Variants in AMBRA1 observed in about 807,000 individuals in gnomAD.
The protein encoded by AMBRA1 is autophagy and beclin 1 regulator 1.
In AMBRA1, 47 loss-of-function variants were observed where a neutral mutation model predicts 125.4. The ratio of observed to expected loss-of-function variants is 0.37; its 90% CI spans 0.30 to 0.48. The LOEUF is 0.48. Ranked by LOEUF, AMBRA1 falls within the 20% of genes least tolerant of loss-of-function variation. AMBRA1 has a pLI of 0.99. For missense variants in AMBRA1, 1,331 were observed against 1,693.4 expected, an observed-to-expected ratio of 0.79 and a Z score of 3.76; for synonymous variants, 626 against 655.5, an observed-to-expected ratio of 0.95 and a Z score of 0.69.
chr11:46,462,297 T>A (rs931487122), intron 11 of AMBRA1, among the ~76,000 whole-genome samples: 2 of 152,260 alleles, frequency 1.3e-5, no homozygotes, highest in Admixed American at 6.5e-5. Context: ...CCTGCAAGCT[T>A]CTCTATATGC....
chr11:46,520,203 T>C (rs762841668), intron 7 of AMBRA1, among the ~76,000 whole-genome samples: 1 of 151,668 alleles, frequency 6.6e-6, no homozygotes, highest in Non-Finnish European at 1.5e-5. Flanking sequence ...GTTTCCACTA[T>C]CAATATTTAA....
Position 46,542,528 on chromosome 11 carries a change from G to A in AMBRA1, c.1489C>T (p.His497Tyr). Reference protein sequence around the residue: ...SSQNNSGSIRHELQCDLRRFF... With the variant: ...SSQNNSGSIRYELQCDLRRFF... Reference sequence around the variant, plus strand: ...CGTCTCAGGTCACACTGAAGCTCATGGCGAATGCTGCCCGAGTTGTTTTGG... The same window carrying A: ...CGTCTCAGGTCACACTGAAGCTCATAGCGAATGCTGCCCGAGTTGTTTTGG... The change falls in exon 7 of 18, where the codon CAT (histidine) becomes TAT (tyrosine). Residue 497 changes from histidine to tyrosine, a missense_variant. Around this residue, in one of 4 missense-constraint regions of AMBRA1, gnomAD observed 689 missense variants for 776.5 expected, o/e 0.89. Coordinates refer to ENST00000683756, the MANE Select transcript of AMBRA1 (RefSeq NM_001387011.1). The surrounding 1 kb of genome is among the most constrained non-coding windows in gnomAD (Gnocchi z 5.9). 1 of 1,613,262 alleles carries A rather than the reference G, an allele frequency of 6.2e-7. No individual in the cohort carries two copies. The highest frequency in any genetic ancestry group is 1.1e-5 in the South Asian group (1 of 91,080).
At chr11:46,449,089 A>G (rs1418668205) in intron 11 of AMBRA1, among the ~76,000 whole-genome samples, 2 of 152,178 alleles carry the variant, frequency 1.3e-5, no homozygotes, top group Non-Finnish European at 2.9e-5. Context: ...ATCATACTCA[A>G]TGGTGAGGAA....
At chr11:46,463,599 T>C (rs12277858) in intron 11 of AMBRA1, among the ~76,000 whole-genome samples, 6,356 of 152,250 alleles carry the variant, frequency 0.042, 445 homozygotes, top group African/African-American at 0.14. Context: ...CAACTCAATT[T>C]GTTAACTAGG....
intron 11 of AMBRA1, among the ~76,000 whole-genome samples, chr11:46,475,028 TGAGAG>T (rs1166689006): frequency 1.3e-5 from 2 of 151,850 alleles, no homozygotes; most frequent in African/African-American, 2.4e-5. Context: ...GGAGAGGAGA[TGAGAG>T]GAGAAAATGA....
At chr11:46,513,970 A>G (rs1326135899) in intron 7 of AMBRA1, among the ~76,000 whole-genome samples, 1 of 151,596 alleles carries the variant, frequency 6.6e-6, no homozygotes, top group Non-Finnish European at 1.5e-5. Context: ...CATGTCTGAC[A>G]TGGTGCTTCC....
At chr11:46,539,450 G>A (rs1247956300) in intron 7 of AMBRA1, among the ~76,000 whole-genome samples, 3 of 152,032 alleles carry the variant, frequency 2.0e-5, no homozygotes, top group Non-Finnish European at 2.9e-5. Flanking sequence ...CCAGCTACCC[G>A]GGAGGCTGAG....
chr11:46,460,612 C>A (rs533873723), intron 11 of AMBRA1, among the ~76,000 whole-genome samples: 1 of 152,072 alleles, frequency 6.6e-6, no homozygotes, highest in Non-Finnish European at 1.5e-5. Flanking sequence ...CGTGAGCCAC[C>A]GCGTCCAGCA....
At position 46,434,982 on chromosome 11, in the gene AMBRA1, G is replaced by A; in HGVS notation, c.2688C>T (p.Asp896=). The change falls in exon 13 of 18, where the codon GAC becomes GAT. Residue 896 remains aspartate (D), a synonymous_variant. Coordinates refer to ENST00000683756, the MANE Select transcript of AMBRA1 (RefSeq NM_001387011.1). The part of the protein sequence containing the change: ...NCKIYNDASC[D]ISADGQLLAA... ...CCAGGAGCTGGCCATCTGCAGAAAT[G>A]TCACAGCTGGCATCATTGTAGATCT... 1 of 1,613,788 alleles carries A rather than the reference G, an allele frequency of 6.2e-7. No individual in the cohort carries two copies. The highest frequency in any genetic ancestry group is 2.2e-5 in the East Asian group (1 of 44,884).
chr11:46,591,312 T>G (rs777843359), intron 1 of AMBRA1: 4 of 152,344 alleles, frequency 2.6e-5, no homozygotes, highest in Non-Finnish European at 4.4e-5. Flanking sequence ...TAGCTTAACT[T>G]CCCAATCTAG....
intron 8 of AMBRA1, among the ~76,000 whole-genome samples, chr11:46,511,969 C>G (rs934244101): frequency 6.6e-6 from 1 of 152,196 alleles, no homozygotes; most frequent in Non-Finnish European, 1.5e-5. Flanking sequence ...ATTCTCCTGC[C>G]TCAGCCTCCC....
At chr11:46,534,096 C>CT (rs1591051850) in intron 7 of AMBRA1, among the ~76,000 whole-genome samples, 2 of 148,812 alleles carry the variant, frequency 1.3e-5, no homozygotes. Context: ...ATACATTTCT[C>CT]TTTTTTGCCA....
intron 1 of AMBRA1, among the ~76,000 whole-genome samples, chr11:46,581,435 G>A (rs903695435): frequency 6.6e-6 from 1 of 151,752 alleles, no homozygotes; most frequent in South Asian, 2.1e-4. Context: ...ATGAAACCCC[G>A]TCTCTACTAA....
Position 46,545,603 on chromosome 11 carries a change from C to T in AMBRA1, c.551+1G>A, listed in dbSNP as rs1384726312. 6.2e-7 allele frequency: 1 copy of T among 1,613,412 alleles called. No individual in the cohort carries two copies. Among genetic ancestry groups the T allele is most frequent in the Admixed American group, 1.7e-5 (1 of 59,976 alleles). On this transcript the variant is annotated splice_donor_variant, in intron 5 of 17. Transcript: ENST00000683756. LOFTEE classifies it high-confidence loss of function. ...CAATGCAGATGGGGCAGCGCACTCA[C>T]CGGACCCGTTCCATCTCACTAGCTG...
At chr11:46,400,309 T>G (rs1255605859) in intron 17 of AMBRA1, among the ~76,000 whole-genome samples, 1 of 151,906 alleles carries the variant, frequency 6.6e-6, no homozygotes, top group African/African-American at 2.4e-5. Context: ...TATGAGACTT[T>G]CTTTGCTCCC....
chr11:46,410,505 A>G, intron 15 of AMBRA1, 137 bp from the exon 16 acceptor site: 1 of 713,498 alleles, frequency 1.4e-6, no homozygotes, highest in Non-Finnish European at 2.5e-6. Flanking sequence ...TGAAACCAAG[A>G]CCAGAGCTGC....
intron 15 of AMBRA1, among the ~76,000 whole-genome samples, chr11:46,416,649 A>C (rs1053172409): frequency 6.6e-5 from 10 of 152,228 alleles, no homozygotes; most frequent in Non-Finnish European, 1.3e-4. Context: ...TCAAAAGGCA[A>C]CACGGACACT....
At chr11:46,444,776 T>C (rs187948081) in intron 11 of AMBRA1, among the ~76,000 whole-genome samples, 15 of 152,320 alleles carry the variant, frequency 9.8e-5, no homozygotes, top group Admixed American at 4.6e-4. Flanking sequence ...TGTCCCTTTC[T>C]TTCCCCAAAT....
At position 46,568,162 on chromosome 11, in the gene AMBRA1, A is replaced by T. The variant is rs567007816; in HGVS notation, c.-120-19662T>A. ...GACTCTGTCTTAAAAAAATAAAATA[A>T]AATAAAATCCAGCTGGATGCCGCAG... On this transcript the variant is annotated intron_variant, in intron 1 of 17. Coordinates refer to ENST00000683756, the MANE Select transcript of AMBRA1 (RefSeq NM_001387011.1). 1.1e-4 allele frequency among the ~76,000 whole-genome samples: 16 copies of T among 150,798 alleles called. No homozygotes were observed. The South Asian group carries it at 3.1e-3, about 30-fold the overall frequency.
Sources: allele counts gnomAD v4.1 joint callset (sites outside exome capture counted in the v4.1 genomes callset), GRCh38; gene constraint gnomAD v4.1.1; regional missense constraint gnomAD v4.1.1; non-coding constraint Gnocchi (gnomAD v3.1); transcripts MANE v1.5; gene names NCBI Gene and HGNC (gene_info 2026-07-23, HGNC 2026-07-21).